FMN2: variants seen among roughly 807,000 people sequenced by gnomAD.
The protein encoded by FMN2 is formin 2.
In FMN2, 51 loss-of-function variants were observed where a neutral mutation model predicts 142.3. The observed-to-expected ratio is 0.36, with a 90% CI of 0.29 to 0.45. The LOEUF (loss-of-function observed/expected upper bound fraction) is 0.45. FMN2 is among the 20% of genes least tolerant of loss of function. The pLI is 1.00. For synonymous variants in FMN2, 882 were observed against 869.8 expected (o/e 1.01, Z -0.25); for missense variants, 1,936 against 2,122.8 (o/e 0.91, Z 1.73).
intron 2 of FMN2, among the ~76,000 whole-genome samples, chr1:240,137,573 C>T (rs1377312279): frequency 9.9e-5 from 15 of 152,176 alleles, no homozygotes; most frequent in Non-Finnish European, 2.9e-5. Context: ...ACCATGTGTG[C>T]TCACCAGCCA....
At chr1:240,346,763 T>TCATTTGGGC (rs11282508) in intron 13 of FMN2, among the ~76,000 whole-genome samples, 172 of 151,978 alleles carry the variant, frequency 1.1e-3, no homozygotes, top group African/African-American at 3.9e-3. Context: ...TGATATTTAG[T>TCATTTGGGC]CCCACAAATT....
chr1:240,223,216 G>A (rs1444948595), intron 6 of FMN2, among the ~76,000 whole-genome samples: 1 of 152,126 alleles, frequency 6.6e-6, no homozygotes, highest in Non-Finnish European at 1.5e-5. Context: ...TTTTATTGAA[G>A]GCCTTTTCTG....
At chr1:240,145,983 A>T (rs1189961518) in intron 2 of FMN2, among the ~76,000 whole-genome samples, 2 of 152,078 alleles carry the variant, frequency 1.3e-5, no homozygotes, top group African/African-American at 4.8e-5. Context: ...CTGGTCTTTG[A>T]GGGTGACATC....
At chr1:240,258,912 T>C (rs1668535616) in intron 7 of FMN2, among the ~76,000 whole-genome samples, 1 of 152,366 alleles carries the variant, frequency 6.6e-6, no homozygotes, top group African/African-American at 2.4e-5. Flanking sequence ...ACAGACCTTA[T>C]AATCACAAAA....
At chr1:240,120,679 G>T (rs560915805) in intron 1 of FMN2, among the ~76,000 whole-genome samples, 9 of 152,078 alleles carry the variant, frequency 5.9e-5, no homozygotes, top group East Asian at 1.9e-4. Flanking sequence ...AACTATGAAG[G>T]GTTCCAAAAG....
chr1:240,398,253 C>T (rs1028552541), intron 15 of FMN2, among the ~76,000 whole-genome samples: 3 of 152,180 alleles, frequency 2.0e-5, no homozygotes, highest in Non-Finnish European at 4.4e-5. Context: ...GTCTGCCCGC[C>T]TTGGCCTCCC....
At position 240,215,249 on chromosome 1, in the gene FMN2, C is replaced by T. The variant is rs16839644; in HGVS notation, c.4065+4014C>T. Among the ~76,000 whole-genome samples, 644 of 152,242 alleles carry T rather than the reference C, an allele frequency of 4.2e-3. 4 individuals carry two copies. Among genetic ancestry groups the T allele is most frequent in the African/African-American group, 0.015 (607 of 41,540 alleles). ...GTAGTAATTATTACAGCAATAATAA[C>T]CATGGAAACCACAAGTCATATTGTG... On this transcript the variant is annotated intron_variant, in intron 6 of 17. Coordinates refer to ENST00000319653, the MANE Select transcript of FMN2 (RefSeq NM_020066.5).
chr1:240,419,933 G>A (rs1674709091), intron 15 of FMN2, among the ~76,000 whole-genome samples: 1 of 152,136 alleles, frequency 6.6e-6, no homozygotes, highest in Admixed American at 6.5e-5. Flanking sequence ...TTGCCCCTAA[G>A]GATGCTATGC....
intron 6 of FMN2, among the ~76,000 whole-genome samples, chr1:240,223,569 G>T (rs1027818367): frequency 7.2e-5 from 11 of 152,108 alleles, no homozygotes; most frequent in African/African-American, 2.7e-4. Flanking sequence ...GTACCAGCTG[G>T]TCTTTGTACC....
intron 14 of FMN2, among the ~76,000 whole-genome samples, chr1:240,388,543 T>C (rs1333450329): frequency 6.6e-6 from 1 of 152,006 alleles, no homozygotes; most frequent in East Asian, 1.9e-4. Flanking sequence ...AGGTGATTGC[T>C]CTCAGAGATC....
At chr1:240,349,496 A>G (rs1379407150) in intron 13 of FMN2, among the ~76,000 whole-genome samples, 1 of 151,276 alleles carries the variant, frequency 6.6e-6, no homozygotes, top group Non-Finnish European at 1.5e-5. Flanking sequence ...TCCCTACTCA[A>G]AAAAAAAATA....
At chr1:240,420,252 G>A (rs1674717128) in intron 15 of FMN2, among the ~76,000 whole-genome samples, 1 of 152,050 alleles carries the variant, frequency 6.6e-6, no homozygotes, top group East Asian at 1.9e-4. Context: ...AGTTTTTCTG[G>A]ACTCACACAA....
intron 16 of FMN2, chr1:240,458,903 A>G (rs1676344111): frequency 1.3e-5 from 2 of 152,176 alleles, no homozygotes; most frequent in African/African-American, 4.8e-5. Context: ...GGTCATTCTT[A>G]TAGGACCAAA....
At chr1:240,179,021 C>A (rs1040046237) in intron 3 of FMN2, among the ~76,000 whole-genome samples, 1 of 152,056 alleles carries the variant, frequency 6.6e-6, no homozygotes, top group Non-Finnish European at 1.5e-5. Context: ...GCTCTGCCAA[C>A]TTATTAGCTT....
At chr1:240,391,575 CTT>C (rs1339412804) in intron 14 of FMN2, among the ~76,000 whole-genome samples, 1 of 151,458 alleles carries the variant, frequency 6.6e-6, no homozygotes, top group Non-Finnish European at 1.5e-5. Flanking sequence ...TTACATTTTA[CTT>C]TTTTTTTGTC....
intron 14 of FMN2, among the ~76,000 whole-genome samples, chr1:240,368,074 A>T (rs1672743884): frequency 6.6e-6 from 1 of 152,138 alleles, no homozygotes; most frequent in Non-Finnish European, 1.5e-5. Flanking sequence ...TTTTCTCTAT[A>T]CTATTCCATT....
chr1:240,380,423 T>A (rs1673185589), intron 14 of FMN2, among the ~76,000 whole-genome samples: 1 of 151,960 alleles, frequency 6.6e-6, no homozygotes, highest in African/African-American at 2.4e-5. Context: ...AATCAAAAGG[T>A]TTTTTGAAAT....
intron 6 of FMN2, among the ~76,000 whole-genome samples, chr1:240,219,586 A>G (rs1385151184): frequency 1.3e-5 from 2 of 152,190 alleles, no homozygotes; most frequent in East Asian, 1.9e-4. Flanking sequence ...AAAACTTTTT[A>G]TAAATGGAAA....
intron 6 of FMN2, among the ~76,000 whole-genome samples, chr1:240,219,271 A>G (rs1667016688): frequency 6.6e-6 from 1 of 152,228 alleles, no homozygotes; most frequent in Admixed American, 6.5e-5. Flanking sequence ...CCTGAAGCTT[A>G]TTTTGGTGTC....
Sources: gnomAD v4.1 joint callset for allele counts (sites outside exome capture counted in the v4.1 genomes callset) on GRCh38, gnomAD v4.1.1 for gene constraint, MANE v1.5 for transcripts, NCBI Gene and HGNC (gene_info 2026-07-23, HGNC 2026-07-21) for gene names.